ACSBG2: variants seen among roughly 807,000 people sequenced by gnomAD.
ACSBG2 encodes long-chain-fatty-acid--CoA ligase ACSBG2.
In ACSBG2, 62 loss-of-function variants were observed where a neutral mutation model predicts 74.7. The ratio of observed to expected loss-of-function variants is 0.83; its 90% confidence interval spans 0.68 to 1.03. ACSBG2 has a LOEUF of 1.03. Ranked by LOEUF, ACSBG2 falls within the 50% of genes least tolerant of loss-of-function variation. ACSBG2 has a pLI of 0.00. For missense variants in ACSBG2, 730 were observed against 817.6 expected, an observed-to-expected ratio of 0.89 and a Z score of 1.31; for synonymous variants, 309 against 294.1, an observed-to-expected ratio of 1.05 and a Z score of -0.52.
At chr19:6,147,253 C>G (rs113306880) in intron 2 of ACSBG2, among the ~76,000 whole-genome samples, 193 bp from the exon 3 acceptor site, 1 of 152,000 alleles carries the variant, frequency 6.6e-6, no homozygotes, top group African/African-American at 2.4e-5. Context: ...TAAAATTTGG[C>G]GGGGCGGGGA....
chr19:6,161,140 C>T, intron 5 of ACSBG2, 75 bp from the exon 6 acceptor site: 1 of 1,176,294 alleles, frequency 8.5e-7, no homozygotes, highest in South Asian at 1.3e-5. Context: ...AGAGAGCTTA[C>T]TTAGGACATC....
intron 6 of ACSBG2, 126 bp downstream of exon 6, chr19:6,161,421 G>A (rs2089611482): frequency 2.5e-6 from 2 of 802,596 alleles, no homozygotes; most frequent in South Asian, 1.7e-5. Flanking sequence ...AACTCTCAAA[G>A]GAAGTAGGTG....
intron 8 of ACSBG2, among the ~76,000 whole-genome samples, chr19:6,182,329 CCA>C (rs758506043): frequency 2.6e-5 from 4 of 152,128 alleles, no homozygotes; most frequent in Non-Finnish European, 4.4e-5. Context: ...CATGCTTGGA[CCA>C]CAGTTTCTTT....
rs2090036244 is a variant in ACSBG2 at position 6,174,164 on chromosome 19, T to G, written c.739-3065T>G. On this transcript the variant is annotated intron_variant, in intron 7 of 14. Transcript: ENST00000588485. This position sits in a 1 kb window ranked among gnomAD's most constrained non-coding sequence, Gnocchi z 4.2. Reference sequence around the variant, plus strand: ...GTTGGCCAGGCTGGTCTCGAACTCCTGACCTCAGGTGATCCACCCGCCTTG... The same window carrying G: ...GTTGGCCAGGCTGGTCTCGAACTCCGGACCTCAGGTGATCCACCCGCCTTG... Among the ~76,000 whole-genome samples, 1 of 152,120 alleles carries G rather than the reference T, an allele frequency of 6.6e-6. No homozygotes were observed. The highest frequency in any genetic ancestry group is 2.1e-4 in the South Asian group (1 of 4,824).
chr19:6,185,365 AAGAT>A, intron 10 of ACSBG2, 67 bp from the exon 11 acceptor site: 1 of 1,513,922 alleles, frequency 6.6e-7, no homozygotes, highest in Non-Finnish European at 9.1e-7. Flanking sequence ...ACCTAGGCTG[AAGAT>A]CCAGGCAGAG....
In ACSBG2 at chr19:6,156,436, T is replaced by C; in HGVS notation, c.392T>C (p.Leu131Pro). 1 of 1,591,392 alleles carries C rather than the reference T, an allele frequency of 6.3e-7. No homozygotes were observed. Among genetic ancestry groups the C allele is most frequent in the Non-Finnish European group, 8.5e-7 (1 of 1,171,152 alleles). ...AATTTGTTTTCTTTTCCCAGGGGTC[T>C]TTGTGTTGGTATTTATGCCACCAAC... ...TAVGAILAGG[L>P]CVGIYATNSA... The change falls in exon 5 of 15, where the codon CTT (leucine) becomes CCT (proline). Residue 131 changes from leucine (L) to proline (P), a missense_variant. Leu to Pro is a moderately conservative substitution (Grantham distance 98, BLOSUM62 -3). Coordinates refer to ENST00000588485, the MANE Select transcript of ACSBG2 (RefSeq NM_030924.5).
chr19:6,190,638 T>C lies in ACSBG2; in HGVS notation c.1982T>C (p.Ile661Thr), dbSNP rs757374514. The C allele has an allele frequency of 4.8e-5, 77 of 1,614,028 alleles. No individual in the cohort carries two copies. Among genetic ancestry groups the C allele is most frequent in the East Asian group, 2.2e-4 (10 of 44,878 alleles). ...GTAGCCCAGAAATACAAAAAACAAATTGATCACATGTACCACTGACTGCTT... is the reference window on the plus strand; with the variant it reads ...GTAGCCCAGAAATACAAAAAACAAACTGATCACATGTACCACTGACTGCTT... ...HFVAQKYKKQIDHMYH is the reference protein window; with the variant it reads ...HFVAQKYKKQTDHMYH Residue 661 changes from isoleucine to threonine, a missense_variant, in exon 14 of 15, where the codon ATT (isoleucine) becomes ACT (threonine). Ile to Thr is a moderately conservative substitution (Grantham distance 89). Coordinates refer to ENST00000588485, the MANE Select transcript of ACSBG2 (RefSeq NM_030924.5).
At chr19:6,172,667 G>A (rs1049769297) in intron 7 of ACSBG2, among the ~76,000 whole-genome samples, 5 of 152,240 alleles carry the variant, frequency 3.3e-5, no homozygotes, top group African/African-American at 1.2e-4. Context: ...GACTGAGGGT[G>A]TGGAGGTCTC....
chr19:6,191,498 G>A (rs890196210), intron 14 of ACSBG2: 1 of 152,148 alleles, frequency 6.6e-6, no homozygotes, highest in Non-Finnish European at 1.5e-5. Flanking sequence ...TTCCTTCTGA[G>A]GGCTGTGAGG....
intron 7 of ACSBG2, among the ~76,000 whole-genome samples, chr19:6,173,125 G>A (rs1047574470): frequency 5.3e-5 from 8 of 152,168 alleles, no homozygotes; most frequent in Non-Finnish European, 8.8e-5. Context: ...GGGGGGCTTT[G>A]GTGGGCTGCA....
intron 3 of ACSBG2, among the ~76,000 whole-genome samples, chr19:6,149,056 G>A (rs1165400967): frequency 2.0e-5 from 3 of 152,012 alleles, no homozygotes; most frequent in South Asian, 2.1e-4. Context: ...GCAGTGAGCC[G>A]AGATTGTGCC....
At chr19:6,145,411 T>C (rs373392051) in intron 2 of ACSBG2, among the ~76,000 whole-genome samples, 4 of 129,934 alleles carry the variant, frequency 3.1e-5, no homozygotes, top group Admixed American at 2.5e-4. Context: ...AGCCTGGAGA[T>C]AGAGCAAGAC....
intron 8 of ACSBG2, 144 bp from the exon 9 acceptor site, chr19:6,182,607 G>A (rs2090290243): frequency 1.3e-6 from 1 of 748,448 alleles, no homozygotes; most frequent in African/African-American, 1.8e-5. Context: ...CAGCTAATGG[G>A]TTGTCTCCTT....
chr19:6,136,148 C>CAGGCTGGAGTACAG (rs2088555357), intron 1 of ACSBG2, among the ~76,000 whole-genome samples: 1 of 29,236 alleles, frequency 3.4e-5, no homozygotes, highest in Non-Finnish European at 6.1e-5. Flanking sequence ...CTCTGTTGCC[C>CAGGCTGGAGTACAG]AGGCGCAATC....
At chr19:6,184,864 A>C (rs1478088186) in intron 10 of ACSBG2, among the ~76,000 whole-genome samples, 1 of 139,856 alleles carries the variant, frequency 7.2e-6, no homozygotes, top group Non-Finnish European at 1.5e-5. Flanking sequence ...AAAAAAAAAA[A>C]AAAAAAAACG....
chr19:6,187,918 T>C, intron 13 of ACSBG2, 73 bp downstream of exon 13: 9 of 1,565,580 alleles, frequency 5.7e-6, no homozygotes, highest in Non-Finnish European at 7.8e-6. Context: ...AAGAGACAGG[T>C]CCTTTTCTGA....
rs955561375 is a variant in ACSBG2 at position 6,182,753 on chromosome 19, C to A, written c.909C>A (p.Gly303=). Residue 303 remains glycine, a splice_region_variant and synonymous_variant, in exon 9 of 15, where the codon GGC becomes GGA. Transcript: ENST00000588485. ...TAACCTAGCTTCGTTCCATACAGGGCACCTTGGTAAGTACTCTAAAGGAGG... is the reference window on the plus strand; with the variant it reads ...TAACCTAGCTTCGTTCCATACAGGGAACCTTGGTAAGTACTCTAAAGGAGG... The part of the protein sequence containing the change: ...TYFAQADALK[G]TLVSTLKEVK... The A allele has an allele frequency of 1.2e-5, 20 of 1,613,600 alleles. No homozygotes were observed. The highest frequency in any genetic ancestry group is 2.2e-5 in the South Asian group (2 of 91,012).
At chr19:6,169,962 A>C (rs2089919358) in intron 7 of ACSBG2, among the ~76,000 whole-genome samples, 1 of 152,156 alleles carries the variant, frequency 6.6e-6, no homozygotes, top group African/African-American at 2.4e-5. Flanking sequence ...TCATTTATCT[A>C]GGAGTGTTTT....
chr19:6,176,649 G>A (rs955822719), intron 7 of ACSBG2, among the ~76,000 whole-genome samples: 3 of 151,740 alleles, frequency 2.0e-5, no homozygotes, highest in Non-Finnish European at 4.4e-5. Context: ...TCATCCTCTT[G>A]GGCAGCCCAG....
Sources: allele counts gnomAD v4.1 joint callset (sites outside exome capture counted in the v4.1 genomes callset), GRCh38; gene constraint gnomAD v4.1.1; non-coding constraint Gnocchi (gnomAD v3.1); transcripts MANE v1.5; gene names NCBI Gene and HGNC (gene_info 2026-07-23, HGNC 2026-07-21).